ZNF483: variants seen among roughly 807,000 people sequenced by gnomAD.
ZNF483 encodes the protein zinc finger protein 483.
ZNF483 carries 9 observed loss-of-function variants against 28.6 expected under a neutral mutation model. The observed-to-expected ratio is 0.32, with a 90% confidence interval of 0.19 to 0.55. ZNF483 has a LOEUF of 0.55. Ranked by LOEUF, ZNF483 falls within the 20% of genes least tolerant of loss-of-function variation. ZNF483 has a pLI of 0.93. For missense variants in ZNF483, 675 were observed against 871.7 expected (o/e 0.77, Z 2.84); for synonymous variants, 322 against 306.2 (o/e 1.05, Z -0.54).
At chr9:111,538,493 G>GA (rs11463840) in intron 5 of ZNF483, among the ~76,000 whole-genome samples, 54,154 of 140,678 alleles carry the variant, frequency 0.38, 10,426 homozygotes, top group Non-Finnish European at 0.43. Context: ...CCATCTCTTA[G>GA]AAAAAAAAAA....
At chr9:111,538,887 G>T (rs1827591389) in intron 5 of ZNF483, among the ~76,000 whole-genome samples, 1 of 151,982 alleles carries the variant, frequency 6.6e-6, no homozygotes, top group African/African-American at 2.4e-5. Flanking sequence ...CGAGGCAGGT[G>T]GATCACCTGA....
In ZNF483 at chr9:111,527,701, C is replaced by G. The variant is rs1159875799; in HGVS notation, c.306C>G (p.Thr102=). ...TTCTGGTGTTTGAGCAGTTCCTGACCATTTTGCCTGGGGAGATCAGGATTT... is the reference window on the plus strand; with the variant it reads ...TTCTGGTGTTTGAGCAGTTCCTGACGATTTTGCCTGGGGAGATCAGGATTT... ...LELLVFEQFL[T]ILPGEIRIWV... Residue 102 remains threonine, a synonymous_variant, in exon 2 of 6, where the codon ACC becomes ACG. Coordinates refer to ENST00000309235, the MANE Select transcript of ZNF483 (RefSeq NM_133464.5). 2 of 1,614,054 alleles carry G rather than the reference C, an allele frequency of 1.2e-6. No individual in the cohort carries two copies. Among genetic ancestry groups the G allele is most frequent in the East Asian group, 4.5e-5 (2 of 44,880 alleles).
rs754689573 is a variant in ZNF483, at chr9:111,542,376, T to A, written c.1441T>A (p.Ser481Thr). The change falls in exon 6 of 6, where the codon TCG becomes ACG. Residue 481 changes from serine to threonine, a missense_variant. Physicochemically the swap from Ser to Thr is moderately conservative, Grantham distance 58. This residue lies in a region of ZNF483 where 525 missense variants were observed against 581.8 expected (regional missense o/e 0.90). Transcript: ENST00000309235. The surrounding 1 kb of genome is among the most constrained non-coding windows in gnomAD (Gnocchi z 6.2). ...ECGKAFSDSS[S>T]LTPHHRTHSG... ...TGGAAAAGCTTTTAGTGATAGTTCA[T>A]CGCTCACACCACATCATAGAACTCA... The A allele has an allele frequency of 6.2e-7, 1 of 1,614,110 alleles. No individual in the cohort carries two copies. Among genetic ancestry groups the A allele is most frequent in the Admixed American group, 1.7e-5 (1 of 60,022 alleles).
chr9:111,529,492 C>A (rs1053592653), intron 2 of ZNF483, among the ~76,000 whole-genome samples: 4 of 152,204 alleles, frequency 2.6e-5, no homozygotes, highest in Admixed American at 2.0e-4. Flanking sequence ...CTTAAGGAAT[C>A]TGGTGGAGTC....
intron 5 of ZNF483, among the ~76,000 whole-genome samples, chr9:111,569,707 G>A (rs148140707): frequency 0.017 from 2,531 of 152,306 alleles, 70 homozygotes; most frequent in African/African-American, 0.057. Flanking sequence ...GGAGGTTGCC[G>A]TGAGCTGAGA....
At position 111,544,492 on chromosome 9, in the gene ZNF483, T is replaced by TA; in HGVS notation, c.*1322_*1323insA. The TA allele has an allele frequency of 2.1e-6, 1 of 476,850 alleles. No individual in the cohort carries two copies. The highest frequency in any genetic ancestry group is 2.7e-6 in the Non-Finnish European group (1 of 364,660). The allele number at this position is 476,850 out of a possible 1,614,324, so 29.5% of individuals were successfully genotyped here. ...TTATTTATGTAAAGCACTCAGCTGG[T>TA]CCTGGGTAGCAGCTGCCACCTTTTG... On this transcript the variant is annotated 3_prime_UTR_variant, in exon 6 of 6. Coordinates refer to ENST00000309235, the MANE Select transcript of ZNF483 (RefSeq NM_133464.5).
At chr9:111,556,098 AG>A (rs1479324175), downstream of ZNF483, among the ~76,000 whole-genome samples, 1 of 152,200 alleles carries the variant, frequency 6.6e-6, no homozygotes, top group Admixed American at 6.5e-5. Flanking sequence ...TCCCATTCCA[AG>A]GAGGAGAGAT....
intron 2 of ZNF483, among the ~76,000 whole-genome samples, chr9:111,528,975 G>A (rs1385687632): frequency 5.9e-5 from 9 of 152,010 alleles, no homozygotes; most frequent in Non-Finnish European, 1.2e-4. Flanking sequence ...GAGAAACCCC[G>A]TCTCTACAAA....
chr9:111,557,007 A>G (rs1275609331), downstream of ZNF483, among the ~76,000 whole-genome samples: 4 of 152,214 alleles, frequency 2.6e-5, no homozygotes, highest in Admixed American at 2.0e-4. Context: ...ACCATTTTTT[A>G]TCTCCTAGGC....
intron 5 of ZNF483, among the ~76,000 whole-genome samples, chr9:111,570,470 G>A (rs924837373): frequency 6.6e-6 from 1 of 152,122 alleles, no homozygotes; most frequent in Non-Finnish European, 1.5e-5. Flanking sequence ...GGACTTTGCA[G>A]ATATGATTAA....
At position 111,554,476 on chromosome 9, in the gene ZNF483, C is replaced by T. The variant is rs561299014; in HGVS notation, c.*11306C>T. On this transcript the variant is annotated 3_prime_UTR_variant, in exon 6 of 6. Coordinates refer to ENST00000309235, the MANE Select transcript of ZNF483 (RefSeq NM_133464.5). ...TCTTTCTTCCCACACTTAATGCATA[C>T]AGTAGCCCCCTTATCCATGGGGGAT... 2.0e-5 allele frequency among the ~76,000 whole-genome samples: 3 copies of T among 152,310 alleles called. No individual in the cohort carries two copies. The highest frequency in any genetic ancestry group is 4.1e-4 in the South Asian group (2 of 4,822).
rs1246836767 is a variant in ZNF483 at position 111,552,186 on chromosome 9, A to C, written c.*9016A>C. 1.3e-5 allele frequency among the ~76,000 whole-genome samples: 2 copies of C among 152,180 alleles called. No individual in the cohort carries two copies. Among genetic ancestry groups the C allele is most frequent in the East Asian group, 3.9e-4 (2 of 5,194 alleles). On this transcript the variant is annotated 3_prime_UTR_variant, in exon 6 of 6. Transcript: ENST00000309235. ...TAAGCATTTCTTTTGTTTCAAGGAA[A>C]TCTTGAATTGGATTTTCTAGTACAG...
intron 5 of ZNF483, among the ~76,000 whole-genome samples, chr9:111,560,968 TATATATAGAGAGAGAGAGAG>T (rs1259356012): frequency 2.5e-5 from 1 of 40,092 alleles, no homozygotes; most frequent in East Asian, 9.0e-4. Context: ...TATATATATA[TATATATAGAGAGAGAGAGAG>T]AGAGAGAGAG....
Position 111,554,867 on chromosome 9 carries a change from A to G in ZNF483, c.*11697A>G, listed in dbSNP as rs1263825273. Among the ~76,000 whole-genome samples, 2 of 152,238 alleles carry G rather than the reference A, an allele frequency of 1.3e-5. No homozygotes were observed. The highest frequency in any genetic ancestry group is 6.5e-5 in the Admixed American group (1 of 15,278). Reference sequence around the variant, plus strand: ...CCAAAGTCTAATCTGCTCAGGGTCTACAACTGAAGTCCAGGGTCTTTGAGT... The same window carrying G: ...CCAAAGTCTAATCTGCTCAGGGTCTGCAACTGAAGTCCAGGGTCTTTGAGT... On this transcript the variant is annotated 3_prime_UTR_variant, in exon 6 of 6. Transcript: ENST00000309235.
chr9:111,530,128 C>T (rs1827283541), intron 2 of ZNF483, among the ~76,000 whole-genome samples: 1 of 152,154 alleles, frequency 6.6e-6, no homozygotes, highest in Non-Finnish European at 1.5e-5. Flanking sequence ...ACCCCCCAAC[C>T]TGTCAAAGGG....
rs1160975913 is a variant in ZNF483, at chr9:111,554,669, G to T, written c.*11499G>T. On this transcript the variant is annotated 3_prime_UTR_variant, in exon 6 of 6. Coordinates refer to ENST00000309235, the MANE Select transcript of ZNF483 (RefSeq NM_133464.5). ...AAAGGGATAATTTGTGTCCTAGGAG[G>T]CACGGAGCAGGATGGCAAGAGGTTT... 6.6e-6 allele frequency among the ~76,000 whole-genome samples: 1 copy of T among 152,156 alleles called. No homozygotes were observed. Among genetic ancestry groups the T allele is most frequent in the Non-Finnish European group, 1.5e-5 (1 of 68,036 alleles).
chr9:111,563,123 A>T, intron 5 of ZNF483: 2 of 1,612,360 alleles, frequency 1.2e-6, no homozygotes, highest in Non-Finnish European at 1.7e-6. Context: ...CCTCTTTTTC[A>T]TGCTTTCACT....
intron 5 of ZNF483, among the ~76,000 whole-genome samples, chr9:111,561,803 C>T (rs1828330885): frequency 6.6e-6 from 1 of 151,808 alleles, no homozygotes; most frequent in Non-Finnish European, 1.5e-5. Flanking sequence ...CTTAAGACTT[C>T]AAAATCACTG....
downstream of ZNF483, among the ~76,000 whole-genome samples, chr9:111,557,420 C>G (rs1016180534): frequency 6.8e-6 from 1 of 147,368 alleles, no homozygotes; most frequent in Admixed American, 6.8e-5. Context: ...GGTACCATGC[C>G]GTTGAACAGG....
Sources: gnomAD v4.1 joint callset for allele counts (sites outside exome capture counted in the v4.1 genomes callset) on GRCh38, gnomAD v4.1.1 for gene constraint, gnomAD v4.1.1 regional missense constraint, Gnocchi (gnomAD v3.1) non-coding constraint, MANE v1.5 for transcripts, NCBI Gene and HGNC (gene_info 2026-07-23, HGNC 2026-07-21) for gene names.